Variants in RIMS1 observed in about 807,000 individuals in gnomAD.
The protein encoded by RIMS1 is regulating synaptic membrane exocytosis protein 1.
RIMS1 carries 83 observed loss-of-function variants against 214.1 expected under a neutral mutation model. The ratio of observed to expected loss-of-function variants is 0.39; its 90% confidence interval spans 0.32 to 0.47. The LOEUF (loss-of-function observed/expected upper bound fraction) is 0.47. Ranked by LOEUF, RIMS1 falls within the 20% of genes least tolerant of loss-of-function variation. The probability of loss-of-function intolerance (pLI) is 0.99; values close to 1 mark genes in which losing one functional copy is unlikely to be tolerated. For missense variants in RIMS1, 2,050 were observed against 2,161.8 expected, an observed-to-expected ratio of 0.95 and a Z score of 1.03; for synonymous variants, 793 against 786.8, an observed-to-expected ratio of 1.01 and a Z score of -0.13.
At chr6:71,901,345 A>G (rs1773545090) in intron 1 of RIMS1, among the ~76,000 whole-genome samples, 1 of 152,166 alleles carries the variant, frequency 6.6e-6, no homozygotes, top group Non-Finnish European at 1.5e-5. Context: ...TAATGACCCT[A>G]AAATTGAAAT....
Position 72,282,374 on chromosome 6 carries a change from A to G in RIMS1, c.3483-1673A>G, listed in dbSNP as rs147276172. 4.7e-3 allele frequency among the ~76,000 whole-genome samples: 709 copies of G among 152,156 alleles called. 11 individuals carry two copies. The highest frequency in any genetic ancestry group is 0.016 in the African/African-American group (665 of 41,532). On this transcript the variant is annotated intron_variant, in intron 23 of 33. Transcript: ENST00000521978. ...CTCATTGATTTCAGCCATGAAATCA[A>G]TCATGGAATCTCTGCCCCCCTACCA...
At chr6:72,060,439 T>A (rs1320038142) in intron 2 of RIMS1, among the ~76,000 whole-genome samples, 1 of 152,194 alleles carries the variant, frequency 6.6e-6, no homozygotes, top group Non-Finnish European at 1.5e-5. Context: ...CAGCTCCTCA[T>A]TGACTCTGTG....
chr6:71,977,447 A>C (rs774487499), intron 2 of RIMS1, among the ~76,000 whole-genome samples: 27 of 152,168 alleles, frequency 1.8e-4, no homozygotes, highest in Admixed American at 1.3e-4. Flanking sequence ...CAGGCCCTGG[A>C]TATTATCATG....
chr6:72,320,824 A>G (rs1325846862), intron 28 of RIMS1, among the ~76,000 whole-genome samples: 2 of 152,024 alleles, frequency 1.3e-5, no homozygotes, highest in African/African-American at 4.8e-5. Context: ...TGTACAGTTA[A>G]TAGACTTTAT....
chr6:72,040,467 A>G (rs769559758), intron 2 of RIMS1, among the ~76,000 whole-genome samples: 10 of 152,150 alleles, frequency 6.6e-5, no homozygotes, highest in Middle Eastern at 3.4e-3. Context: ...GAGAAACACT[A>G]TGCCCTGAGA....
intron 23 of RIMS1, among the ~76,000 whole-genome samples, chr6:72,275,137 TATATATATATATA>T (rs2085588362): frequency 2.0e-3 from 5 of 2,472 alleles, no homozygotes; most frequent in African/African-American, 0.01. Flanking sequence ...TATATATATA[TATATATATATATA>T]TATATATATA....
intron 2 of RIMS1, among the ~76,000 whole-genome samples, chr6:71,981,784 TA>T (rs1168956062): frequency 6.6e-6 from 1 of 152,130 alleles, no homozygotes; most frequent in Non-Finnish European, 1.5e-5. Flanking sequence ...TGCCTTAGTT[TA>T]TTTTTTTTTA....
At chr6:72,184,439 CTT>C (rs780762991) in intron 6 of RIMS1, among the ~76,000 whole-genome samples, 4 of 152,164 alleles carry the variant, frequency 2.6e-5, no homozygotes, top group Non-Finnish European at 5.9e-5. Flanking sequence ...TTGTGAAAAA[CTT>C]TTATCTTGCC....
At chr6:72,393,714 G>A (rs903150798) in intron 31 of RIMS1, among the ~76,000 whole-genome samples, 6 of 151,564 alleles carry the variant, frequency 4.0e-5, no homozygotes, top group East Asian at 1.9e-4. Flanking sequence ...GCGACAGAGC[G>A]AGACTCCGTC....
At chr6:72,069,503 G>T (rs532098850) in intron 2 of RIMS1, among the ~76,000 whole-genome samples, 1 of 152,300 alleles carries the variant, frequency 6.6e-6, no homozygotes, top group East Asian at 1.9e-4. Context: ...TTGTGGCAAA[G>T]GTAAATGAAA....
chr6:72,046,477 A>G (rs1278652699), intron 2 of RIMS1, among the ~76,000 whole-genome samples: 3 of 152,142 alleles, frequency 2.0e-5, no homozygotes, highest in Non-Finnish European at 2.9e-5. Flanking sequence ...AGCCTTGATT[A>G]GAAGAAAACT....
At chr6:72,152,152 C>T (rs771470558) in intron 4 of RIMS1, among the ~76,000 whole-genome samples, 5 of 152,190 alleles carry the variant, frequency 3.3e-5, no homozygotes, top group Non-Finnish European at 7.3e-5. Flanking sequence ...AGGGAACAAA[C>T]ATCCAAACTA....
At position 72,290,764 on chromosome 6, in the gene RIMS1, C is replaced by G. The variant is rs753429456; in HGVS notation, c.3640C>G (p.Arg1214Gly). The change falls in exon 25 of 34, where the codon CGC becomes GGC. Residue 1214 changes from arginine (R) to glycine (G), a missense_variant. By Grantham distance (125) the Arg-to-Gly change is moderately radical (BLOSUM62 -2). Transcript: ENST00000521978. ...QPVIRGKHPA[R>G]SRSSEHSSIR... ...AGTCATTAGGGGAAAACATCCTGCT[C>G]GCTCAAGGTCGAGTGAGCACTCTAG... is the stretch of plus-strand genomic sequence containing the variant. 1.2e-6 allele frequency: 2 copies of G among 1,613,698 alleles called. No homozygotes were observed. The highest frequency in any genetic ancestry group is 2.7e-5 in the African/African-American group (2 of 74,910).
At chr6:72,103,709 A>G (rs1031351566) in intron 4 of RIMS1, among the ~76,000 whole-genome samples, 5 of 152,194 alleles carry the variant, frequency 3.3e-5, no homozygotes, top group African/African-American at 1.2e-4. Flanking sequence ...TGAAAACTCT[A>G]TGTTTGTCCT....
rs369984156 is a variant in RIMS1, at chr6:72,151,971, T to TG, written c.472-27599dup. ...TGGCCAGATTGAGAACAAAGAGAGA[T>TG]GGGGGAGGTGCAACACTCTTTTAAG... On this transcript the variant is annotated intron_variant, in intron 4 of 33. Transcript: ENST00000521978. Among the ~76,000 whole-genome samples, 1,416 of 151,982 alleles carry TG rather than the reference T, an allele frequency of 9.3e-3. 24 individuals carry two copies. Among genetic ancestry groups the TG allele is most frequent in the African/African-American group, 0.031 (1,300 of 41,438 alleles).
chr6:72,253,888 A>G (rs1169208193), intron 16 of RIMS1, among the ~76,000 whole-genome samples: 1 of 152,040 alleles, frequency 6.6e-6, no homozygotes, highest in Admixed American at 6.6e-5. Flanking sequence ...TTTATTTGAG[A>G]CGGAGTCTCA....
intron 29 of RIMS1, among the ~76,000 whole-genome samples, chr6:72,340,511 A>C (rs1365111665): frequency 6.6e-6 from 1 of 152,108 alleles, no homozygotes; most frequent in Non-Finnish European, 1.5e-5. Context: ...ATGGCTAGCC[A>C]GTTTTCCCAG....
At chr6:72,200,143 A>G (rs1486149251) in intron 6 of RIMS1, among the ~76,000 whole-genome samples, 2 of 152,150 alleles carry the variant, frequency 1.3e-5, no homozygotes, top group East Asian at 3.8e-4. Flanking sequence ...CATAATTGGT[A>G]TTTTAGCAAT....
chr6:71,896,877 T>C (rs1771962360), intron 1 of RIMS1, among the ~76,000 whole-genome samples: 1 of 152,186 alleles, frequency 6.6e-6, no homozygotes. Context: ...ATGCAGTTCC[T>C]TGTGTATCTC....
Sources: allele counts gnomAD v4.1 joint callset (sites outside exome capture counted in the v4.1 genomes callset), GRCh38; gene constraint gnomAD v4.1.1; transcripts MANE v1.5; gene names NCBI Gene and HGNC (gene_info 2026-07-23, HGNC 2026-07-21).